Variants in NDUFS6 observed in about 807,000 individuals in gnomAD.
NDUFS6 encodes the protein NADH:ubiquinone oxidoreductase subunit S6, also known as NADH dehydrogenase [ubiquinone] iron-sulfur protein 6, mitochondrial.
NDUFS6 carries 14 observed loss-of-function variants against 13.2 expected under a neutral mutation model. The observed-to-expected ratio is 1.06, with a 90% confidence interval of 0.70 to 1.66. NDUFS6 has a LOEUF of 1.66. Ranked by LOEUF, NDUFS6 falls within the 40% of genes most tolerant of loss-of-function variation. NDUFS6 has a pLI of 0.00. For synonymous variants in NDUFS6, 95 were observed against 72.3 expected (o/e 1.31, Z -1.60); for missense variants, 206 against 170.8 (o/e 1.21, Z -1.15).
At chr5:1,802,258 A>G in intron 1 of NDUFS6, 63 bp from the exon 2 acceptor site, 1 of 1,414,418 alleles carries the variant, frequency 7.1e-7, no homozygotes, top group Non-Finnish European at 1.0e-6. Context: ...TTTATGATTG[A>G]TATGAAGTGA....
At position 1,815,885 on chromosome 5, in the gene NDUFS6, G is replaced by A. The variant is rs267606913; in HGVS notation, c.344G>A (p.Cys115Tyr). 1 of 1,614,240 alleles carries A rather than the reference G, an allele frequency of 6.2e-7. No homozygotes were observed. The change falls in exon 4 of 4, where the codon TGT (cysteine) becomes TAT (tyrosine). Residue 115 changes from cysteine (C) to tyrosine (Y), a missense_variant. Physicochemically the swap from Cys to Tyr is radical, Grantham distance 194. Coordinates refer to ENST00000274137, the MANE Select transcript of NDUFS6 (RefSeq NM_004553.6). The part of the protein sequence containing the change: ...KETKTGTCGY[C>Y]GLQFRQHHH ...ACAAAAACCGGCACATGCGGTTACT[G>A]TGGGCTCCAGTTCAGACAGCACCAC...
At position 1,815,895 on chromosome 5, in the gene NDUFS6, G is replaced by A. The variant is rs755980534; in HGVS notation, c.354G>A (p.Gln118=). The A allele has an allele frequency of 6.8e-6, 11 of 1,614,164 alleles. No individual in the cohort carries two copies. Among genetic ancestry groups the A allele is most frequent in the Non-Finnish European group, 9.3e-6 (11 of 1,180,066 alleles). ...KTGTCGYCGL[Q]FRQHHH is the part of the protein sequence containing the mutation. The stretch of plus-strand genomic sequence containing the variant: ...GCACATGCGGTTACTGTGGGCTCCA[G>A]TTCAGACAGCACCACCACTAGAGCG... Residue 118 remains glutamine (Q), a synonymous_variant, in exon 4 of 4, where the codon CAG becomes CAA. Transcript: ENST00000274137.
rs768924494 is a variant in NDUFS6, at chr5:1,814,504, C to T, written c.309+43C>T. 137 of 1,613,786 alleles carry T rather than the reference C, an allele frequency of 8.5e-5. No individual in the cohort carries two copies. The highest frequency in any genetic ancestry group is 1.1e-4 in the Non-Finnish European group (124 of 1,179,908). ...TGTGCACATGTTAGGGCAGCCTGCT[C>T]GTCCTCATACTCCCCTTCACTCCCA... is the stretch of plus-strand genomic sequence containing the variant. On this transcript the variant is annotated intron_variant, in intron 3 of 3. Coordinates refer to ENST00000274137, the MANE Select transcript of NDUFS6 (RefSeq NM_004553.6). This position sits in a 1 kb window ranked among gnomAD's most constrained non-coding sequence, Gnocchi z 4.9.
chr5:1,813,540 C>T (rs534089466), intron 2 of NDUFS6, among the ~76,000 whole-genome samples: 23 of 152,302 alleles, frequency 1.5e-4, no homozygotes, highest in African/African-American at 5.3e-4. Flanking sequence ...TGTCCACTTA[C>T]CCACTGCCTG....
intron 2 of NDUFS6, among the ~76,000 whole-genome samples, chr5:1,813,569 G>A (rs1156317056): frequency 6.6e-6 from 1 of 152,138 alleles, no homozygotes; most frequent in East Asian, 1.9e-4. Context: ...ACGTAGTCCT[G>A]TGTCCTCCTT....
intron 2 of NDUFS6, among the ~76,000 whole-genome samples, chr5:1,803,088 T>G (rs1734075207): frequency 6.6e-6 from 1 of 152,184 alleles, no homozygotes; most frequent in African/African-American, 2.4e-5. Context: ...TAGCCTGGTG[T>G]TCTTCTTGTT....
intron 1 of NDUFS6, 145 bp downstream of exon 1, chr5:1,801,694 G>C (rs1734045686): frequency 7.7e-7 from 1 of 1,291,248 alleles, no homozygotes; most frequent in Non-Finnish European, 1.0e-6. Flanking sequence ...CACGCGCCGG[G>C]GAGGACGCCC....
chr5:1,810,098 C>T (rs921096631), intron 2 of NDUFS6, among the ~76,000 whole-genome samples: 3 of 152,232 alleles, frequency 2.0e-5, no homozygotes, highest in African/African-American at 7.2e-5. Context: ...TTCTCTGTGA[C>T]TGTGTGGCAT....
chr5:1,815,936 G>A lies in NDUFS6; in HGVS notation c.*20G>A, dbSNP rs1734303028. 3.7e-6 allele frequency: 6 copies of A among 1,613,950 alleles called. No homozygotes were observed. The East Asian group carries it at 1.1e-4, about 30-fold the overall frequency. ...CACTAGAGCGTGTGGCACGCCGGGG[G>A]TCCCGCAGCATCCTGTGAGCATTTC... is the stretch of plus-strand genomic sequence containing the variant. On this transcript the variant is annotated 3_prime_UTR_variant, in exon 4 of 4. Transcript: ENST00000274137.
chr5:1,815,438 G>C (rs559265996), intron 3 of NDUFS6, among the ~76,000 whole-genome samples: 1 of 152,354 alleles, frequency 6.6e-6, no homozygotes, highest in African/African-American at 2.4e-5. Context: ...TCCTGAAAAG[G>C]GGACAGTGTA....
intron 1 of NDUFS6, 97 bp from the exon 2 acceptor site, chr5:1,802,224 T>C (rs1734057339): frequency 8.1e-7 from 1 of 1,228,732 alleles, no homozygotes; most frequent in Non-Finnish European, 1.2e-6. Context: ...GCCTAAAAGT[T>C]AAGAAAAACA....
At chr5:1,803,085 G>T (rs1050849741) in intron 2 of NDUFS6, among the ~76,000 whole-genome samples, 1 of 152,078 alleles carries the variant, frequency 6.6e-6, no homozygotes, top group East Asian at 1.9e-4. Context: ...GGTTAGCCTG[G>T]TGTTCTTCTT....
At chr5:1,810,207 T>A (rs985849092) in intron 2 of NDUFS6, among the ~76,000 whole-genome samples, 4 of 152,206 alleles carry the variant, frequency 2.6e-5, no homozygotes, top group Non-Finnish European at 5.9e-5. Flanking sequence ...GCACAAAGTT[T>A]CAGGCTGTGC....
chr5:1,813,824 G>A lies in NDUFS6; in HGVS notation c.187-515G>A, dbSNP rs560085847. Among the ~76,000 whole-genome samples, 11 of 152,346 alleles carry A rather than the reference G, an allele frequency of 7.2e-5. No homozygotes were observed. In the South Asian group the frequency reaches 1.7e-3, roughly 23 times the overall value. On this transcript the variant is annotated intron_variant, in intron 2 of 3. Transcript: ENST00000274137. ...CCTCTGTGGCCCAAGGGGAAAGCCG[G>A]AAGGACATTGTTGGTCTAACGGATT...
chr5:1,804,684 A>C (rs1024635812), intron 2 of NDUFS6, among the ~76,000 whole-genome samples: 2 of 152,208 alleles, frequency 1.3e-5, no homozygotes, highest in African/African-American at 4.8e-5. Flanking sequence ...GAGAGACTTA[A>C]TTTTTTGGAA....
At chr5:1,815,536 T>G (rs1734294827) in intron 3 of NDUFS6, among the ~76,000 whole-genome samples, 1 of 152,246 alleles carries the variant, frequency 6.6e-6, no homozygotes, top group African/African-American at 2.4e-5. Context: ...CCAAGCCTGG[T>G]TGTGCCTCAC....
chr5:1,813,845 G>A (rs1734260233), intron 2 of NDUFS6, among the ~76,000 whole-genome samples: 1 of 152,224 alleles, frequency 6.6e-6, no homozygotes, highest in South Asian at 2.1e-4. Flanking sequence ...TTGGTCTAAC[G>A]GATTGCAGAG....
At chr5:1,809,970 C>T (rs1384033002) in intron 2 of NDUFS6, among the ~76,000 whole-genome samples, 1 of 152,274 alleles carries the variant, frequency 6.6e-6, no homozygotes, top group Non-Finnish European at 1.5e-5. Context: ...GGAAATAGAT[C>T]TTCAAGGAAA....
At chr5:1,813,027 G>A (rs576414612) in intron 2 of NDUFS6, among the ~76,000 whole-genome samples, 66 of 151,990 alleles carry the variant, frequency 4.3e-4, no homozygotes, top group Non-Finnish European at 7.8e-4. Flanking sequence ...ATTCCAGCCT[G>A]GGCGACAGAG....
Sources: gnomAD v4.1 joint callset for allele counts (sites outside exome capture counted in the v4.1 genomes callset) on GRCh38, gnomAD v4.1.1 for gene constraint, Gnocchi (gnomAD v3.1) non-coding constraint, MANE v1.5 for transcripts, NCBI Gene and HGNC (gene_info 2026-07-23, HGNC 2026-07-21) for gene names.